Variants in GLIS3 observed in about 807,000 individuals in gnomAD.
The protein encoded by GLIS3 is zinc finger protein GLIS3.
A neutral mutation model predicts 78.6 loss-of-function variants in GLIS3; 53 were observed. That is an observed-to-expected ratio of 0.67 (90% confidence interval 0.54 to 0.85). The LOEUF is 0.85. GLIS3 is among the 40% of genes least tolerant of loss of function. The pLI is 0.00. For synonymous variants in GLIS3, 684 were observed against 509.9 expected (o/e 1.34, Z -4.60); for missense variants, 1,703 against 1,231.1 (o/e 1.38, Z -5.74).
At chr9:4,461,743 T>C in the GLIS3 span, among the ~76,000 whole-genome samples, 1 of 152,138 alleles carries the variant, frequency 6.6e-6, no homozygotes, top group African/African-American at 2.4e-5. Flanking sequence ...CCTCACCCAA[T>C]ATCAGCAGCC....
chr9:4,226,423 A>C (rs1821773176), intron 2 of GLIS3, among the ~76,000 whole-genome samples: 1 of 152,182 alleles, frequency 6.6e-6, no homozygotes, highest in South Asian at 2.1e-4. Flanking sequence ...ACCAACAGAG[A>C]CAACATCTGA....
At chr9:4,211,434 C>G (rs926194851) in intron 2 of GLIS3, among the ~76,000 whole-genome samples, 1 of 152,198 alleles carries the variant, frequency 6.6e-6, no homozygotes, top group African/African-American at 2.4e-5. Flanking sequence ...TCTCACCCAT[C>G]CTGCACGCAC....
At chr9:3,829,064 C>A (rs575009597) in intron 10 of GLIS3, among the ~76,000 whole-genome samples, 1 of 152,130 alleles carries the variant, frequency 6.6e-6, no homozygotes, top group South Asian at 2.1e-4. Flanking sequence ...GTCAGGGAGA[C>A]TTACTGGAAG....
At chr9:4,262,599 C>G (rs1363005556) in intron 2 of GLIS3, among the ~76,000 whole-genome samples, 2 of 152,054 alleles carry the variant, frequency 1.3e-5, no homozygotes, top group Non-Finnish European at 2.9e-5. Flanking sequence ...AACTTAGTAA[C>G]TATTTGAAAA....
intron 4 of GLIS3, among the ~76,000 whole-genome samples, chr9:4,072,039 A>G (rs75964339): frequency 6.6e-6 from 1 of 152,342 alleles, no homozygotes; most frequent in East Asian, 1.9e-4. Flanking sequence ...AGTTCAACAT[A>G]TGCTAGGTCT....
the GLIS3 span, among the ~76,000 whole-genome samples, chr9:4,359,028 G>A: frequency 6.6e-6 from 1 of 152,162 alleles, no homozygotes; most frequent in East Asian, 1.9e-4. Flanking sequence ...GTGGCTTGTA[G>A]AGGCAGAGAC....
At chr9:3,991,439 C>G (rs972773030) in intron 4 of GLIS3, among the ~76,000 whole-genome samples, 6 of 151,930 alleles carry the variant, frequency 3.9e-5, no homozygotes, top group African/African-American at 1.5e-4. Context: ...ATTAAAAAAC[C>G]TGGACATAAC....
intron 2 of GLIS3, among the ~76,000 whole-genome samples, chr9:4,346,436 G>C (rs901112483): frequency 6.6e-6 from 1 of 152,148 alleles, no homozygotes; most frequent in Non-Finnish European, 1.5e-5. Flanking sequence ...AAAGGATGAA[G>C]AGCCATATGG....
At chr9:4,250,490 A>G (rs1018828615) in intron 2 of GLIS3, among the ~76,000 whole-genome samples, 2 of 151,732 alleles carry the variant, frequency 1.3e-5, no homozygotes, top group Non-Finnish European at 2.9e-5. Flanking sequence ...TATTGTGTCT[A>G]TTTGATTATT....
intron 4 of GLIS3, among the ~76,000 whole-genome samples, chr9:3,975,727 C>T (rs1818730060): frequency 1.3e-5 from 2 of 152,022 alleles, no homozygotes; most frequent in Admixed American, 1.3e-4. Flanking sequence ...TGGTTTTTGT[C>T]CATCGTGACA....
chr9:3,864,552 G>A (rs1424941964), intron 8 of GLIS3, among the ~76,000 whole-genome samples: 1 of 152,162 alleles, frequency 6.6e-6, no homozygotes. Context: ...GGTACCTTTG[G>A]AAGCCACAAC....
intron 2 of GLIS3, among the ~76,000 whole-genome samples, chr9:4,240,127 G>A (rs1823153223): frequency 6.9e-6 from 1 of 144,984 alleles, no homozygotes; most frequent in African/African-American, 2.6e-5. Flanking sequence ...TAAAGCAGCG[G>A]TCTCCAACCT....
At chr9:3,973,167 C>T (rs759888564) in intron 4 of GLIS3, among the ~76,000 whole-genome samples, 1 of 152,144 alleles carries the variant, frequency 6.6e-6, no homozygotes. Context: ...GTTCCAAATG[C>T]AAATGCTGCC....
intron 4 of GLIS3, among the ~76,000 whole-genome samples, chr9:4,055,060 C>T (rs572689936): frequency 2.0e-5 from 3 of 152,226 alleles, no homozygotes; most frequent in South Asian, 4.1e-4. Flanking sequence ...TCCTCTTTTC[C>T]TTGTCCAGTG....
chr9:4,218,178 G>C (rs10758578), intron 2 of GLIS3, among the ~76,000 whole-genome samples: 1 of 151,990 alleles, frequency 6.6e-6, no homozygotes, highest in Non-Finnish European at 1.5e-5. Context: ...CTACCACATC[G>C]TATCAATCAG....
At position 4,294,263 on chromosome 9, in the gene GLIS3, C is replaced by T. The variant is rs889748902; in HGVS notation, c.-99+5158G>A. 1.3e-5 allele frequency among the ~76,000 whole-genome samples: 2 copies of T among 152,192 alleles called. 1 individual carries two copies. The highest frequency in any genetic ancestry group is 2.9e-5 in the Non-Finnish European group (2 of 68,036). ...GTGGCTCACGCCTGTAATCCCAGTA[C>T]TTTGGGAGGCCAAGGTGGGTGGATC... On this transcript the variant is annotated intron_variant, in intron 1 of 10. Coordinates refer to ENST00000381971, the MANE Select transcript of GLIS3 (RefSeq NM_001042413.2).
chr9:4,289,778 A>T (rs561322788), intron 1 of GLIS3, among the ~76,000 whole-genome samples: 1 of 152,168 alleles, frequency 6.6e-6, no homozygotes, highest in Non-Finnish European at 1.5e-5. Context: ...GGTTCCTACA[A>T]TGAAAATGTT....
At chr9:3,984,828 G>A (rs1819603143) in intron 4 of GLIS3, among the ~76,000 whole-genome samples, 2 of 152,158 alleles carry the variant, frequency 1.3e-5, no homozygotes, top group Admixed American at 6.5e-5. Context: ...GTGGGGGCGT[G>A]TCTTCCCTGC....
chr9:4,365,563 AAG>A, the GLIS3 span, among the ~76,000 whole-genome samples: 3,365 of 151,940 alleles, frequency 0.022, 126 homozygotes, highest in African/African-American at 0.078. Flanking sequence ...CTCAAAAAAA[AAG>A]AAAAAAGAAA....
Sources: gnomAD v4.1 joint callset for allele counts (sites outside exome capture counted in the v4.1 genomes callset) on GRCh38, gnomAD v4.1.1 for gene constraint, MANE v1.5 for transcripts, NCBI Gene and HGNC (gene_info 2026-07-23, HGNC 2026-07-21) for gene names.